ACSL5: variants seen among roughly 807,000 people sequenced by gnomAD.
The protein encoded by ACSL5 is acyl-CoA synthetase long chain family member 5.
ACSL5 carries 50 observed loss-of-function variants against 84.9 expected under a neutral mutation model. That is an observed-to-expected ratio of 0.59 (90% CI 0.47 to 0.75). ACSL5 has a LOEUF of 0.75. Ranked by LOEUF, ACSL5 falls within the 30% of genes least tolerant of loss-of-function variation. The pLI is 0.00. For missense variants in ACSL5, 775 were observed against 830.4 expected, an observed-to-expected ratio of 0.93 and a Z score of 0.82; for synonymous variants, 280 against 300.7, an observed-to-expected ratio of 0.93 and a Z score of 0.71.
At chr10:112,401,030 C>T (rs61872356) in intron 3 of ACSL5, among the ~76,000 whole-genome samples, 25,497 of 151,892 alleles carry the variant, frequency 0.17, 2,399 homozygotes, top group African/African-American at 0.24. Flanking sequence ...TGGAAGCAGG[C>T]GTGAGAAATC....
intron 5 of ACSL5, 145 bp downstream of exon 5, chr10:112,404,951 A>G (rs1411361626): frequency 2.7e-6 from 2 of 750,476 alleles, no homozygotes; most frequent in Non-Finnish European, 4.3e-6. Context: ...TCTACTTGAA[A>G]GAGTTACCAC....
chr10:112,419,715 C>T (rs2133656797), intron 14 of ACSL5: 1 of 152,276 alleles, frequency 6.6e-6, no homozygotes, highest in East Asian at 1.9e-4. Flanking sequence ...TTCCTGGTCT[C>T]ATCATTTTTG....
chr10:112,415,383 TA>T (rs1055206415), intron 12 of ACSL5, among the ~76,000 whole-genome samples: 35 of 152,170 alleles, frequency 2.3e-4, no homozygotes, highest in African/African-American at 8.0e-4. Context: ...GTATTTTTAG[TA>T]GAGACGGGTT....
chr10:112,414,056 T>C (rs1185016290), intron 12 of ACSL5, among the ~76,000 whole-genome samples: 1 of 152,310 alleles, frequency 6.6e-6, no homozygotes, highest in Middle Eastern at 3.4e-3. Flanking sequence ...TAGGGCAGAA[T>C]TAAGCTTTCA....
intron 14 of ACSL5, 64 bp from the exon 15 acceptor site, chr10:112,421,529 A>G (rs1844464546): frequency 3.5e-6 from 5 of 1,447,442 alleles, no homozygotes; most frequent in Non-Finnish European, 4.9e-6. Context: ...TGTCTTGACC[A>G]TAGCACGTGG....
At chr10:112,417,759 T>C (rs1844351957) in intron 13 of ACSL5, 87 bp from the exon 14 acceptor site, 5 of 994,564 alleles carry the variant, frequency 5.0e-6, no homozygotes, top group South Asian at 1.3e-5. Context: ...ATAACAACGC[T>C]GCACAGGCTA....
chr10:112,407,214 TTTTA>T (rs1239437412), intron 5 of ACSL5, among the ~76,000 whole-genome samples: 2 of 151,866 alleles, frequency 1.3e-5, no homozygotes, highest in Middle Eastern at 3.2e-3. Context: ...TGAGATTTTA[TTTTA>T]TTTATTTATT....
chr10:112,398,765 A>C (rs901218165), intron 2 of ACSL5, 136 bp from the exon 3 acceptor site: 1 of 697,620 alleles, frequency 1.4e-6, no homozygotes, highest in Non-Finnish European at 2.5e-6. Flanking sequence ...GATTTTTAAA[A>C]ATCAATTGAC....
chr10:112,400,300 TA>T (rs1843849066), intron 3 of ACSL5, among the ~76,000 whole-genome samples: 1 of 151,604 alleles, frequency 6.6e-6, no homozygotes, highest in African/African-American at 2.4e-5. Flanking sequence ...ACTACAACTT[TA>T]AATTCTTGGA....
At chr10:112,414,354 T>C (rs932470762) in intron 12 of ACSL5, among the ~76,000 whole-genome samples, 936 of 29,502 alleles carry the variant, frequency 0.032, 26 homozygotes, top group Admixed American at 0.24. Flanking sequence ...CAGTGATTCT[T>C]TTTTTTTTTT....
chr10:112,416,437 C>T (rs1044921773), intron 12 of ACSL5, among the ~76,000 whole-genome samples: 4 of 142,046 alleles, frequency 2.8e-5, no homozygotes, highest in African/African-American at 5.3e-5. Context: ...CGCCACTGCA[C>T]TCCAGCCTGG....
At chr10:112,423,057 G>A in intron 17 of ACSL5, among the ~76,000 whole-genome samples, 2 of 143,632 alleles carry the variant, frequency 1.4e-5, no homozygotes, top group Admixed American at 7.2e-5. Context: ...GCGTGGTGGT[G>A]GGCGCCTGTA....
Position 112,425,407 on chromosome 10 carries a change from C to T in ACSL5, c.1663C>T (p.Pro555Ser), listed in dbSNP as rs1844630522. The T allele has an allele frequency of 1.2e-6, 2 of 1,612,956 alleles. No individual in the cohort carries two copies. Among genetic ancestry groups the T allele is most frequent in the Admixed American group, 1.7e-5 (1 of 59,920 alleles). The change falls in exon 18 of 21, where the codon CCA becomes TCA. Residue 555 changes from proline (P) to serine (S), a missense_variant. Coordinates refer to ENST00000354655, the MANE Select transcript of ACSL5 (RefSeq NM_203379.2). ...GCTGGCCCAAGGAGAATACATTGCA[C>T]CAGAGAAGATAGAAAATATCTACAA... ...FKLAQGEYIA[P>S]EKIENIYNRS...
chr10:112,398,944 C>T lies in ACSL5; in HGVS notation c.200C>T (p.Thr67Ile), dbSNP rs1241065530. Residue 67 changes from threonine (T) to isoleucine (I), a missense_variant, in exon 3 of 21, where the codon ACA (threonine) becomes ATA (isoleucine). Thr to Ile is a moderately conservative substitution (Grantham distance 89, BLOSUM62 -1). Coordinates refer to ENST00000354655, the MANE Select transcript of ACSL5 (RefSeq NM_203379.2). ...GTTTCCCAGAAGAACAATGACCTAA[C>T]AAGTTGCTGCTTCTCAGATGCCAAG... Reference protein sequence around the residue: ...KGVSQKNNDLTSCCFSDAKTM... With the variant: ...KGVSQKNNDLISCCFSDAKTM... The T allele has an allele frequency of 1.9e-6, 3 of 1,614,074 alleles. No homozygotes were observed. Among genetic ancestry groups the T allele is most frequent in the Non-Finnish European group, 1.7e-6 (2 of 1,179,986 alleles).
At chr10:112,383,223 T>C (rs1849385284) in intron 1 of ACSL5, among the ~76,000 whole-genome samples, 2 of 152,238 alleles carry the variant, frequency 1.3e-5, no homozygotes, top group Admixed American at 1.3e-4. Context: ...AAGTTAACAC[T>C]GCAGTGAGCT....
chr10:112,425,274 ACT>A, intron 17 of ACSL5, 62 bp from the exon 18 acceptor site: 4 of 1,418,034 alleles, frequency 2.8e-6, no homozygotes, highest in Non-Finnish European at 3.8e-6. Flanking sequence ...TGACTTCACC[ACT>A]CTCCCCACTG....
chr10:112,396,585 G>A (rs953075407), intron 2 of ACSL5, among the ~76,000 whole-genome samples: 1 of 152,086 alleles, frequency 6.6e-6, no homozygotes, highest in Non-Finnish European at 1.5e-5. Flanking sequence ...ACTTGAAAAT[G>A]TGCCTAAGTC....
intron 3 of ACSL5, 29 bp from the exon 4 acceptor site, chr10:112,404,482 T>C: frequency 6.3e-7 from 1 of 1,586,704 alleles, no homozygotes; most frequent in Middle Eastern, 1.7e-4. Flanking sequence ...GCAACTGGAG[T>C]TGATTTTCTT....
intron 1 of ACSL5, among the ~76,000 whole-genome samples, chr10:112,385,961 T>G (rs1375877942): frequency 6.6e-6 from 1 of 152,134 alleles, no homozygotes; most frequent in Non-Finnish European, 1.5e-5. Flanking sequence ...TGACCTATCT[T>G]CAGCTTATTT....
Sources: gnomAD v4.1 joint callset for allele counts (sites outside exome capture counted in the v4.1 genomes callset) on GRCh38, gnomAD v4.1.1 for gene constraint, MANE v1.5 for transcripts, NCBI Gene and HGNC (gene_info 2026-07-23, HGNC 2026-07-21) for gene names.